Variants in MAPRE2 observed in about 807,000 individuals in gnomAD.
MAPRE2 encodes microtubule associated protein RP/EB family member 2, also known as microtubule-associated protein RP/EB family member 2.
In MAPRE2, 13 loss-of-function variants were observed where a neutral mutation model predicts 43.2. That is an observed-to-expected ratio of 0.30 (90% confidence interval 0.20 to 0.48). The LOEUF is 0.48. Among genes scored for constraint, MAPRE2 ranks in the 20% least tolerant of loss-of-function variants. The pLI, the probability that MAPRE2 is intolerant of heterozygous loss-of-function variation, is 0.99. For missense variants in MAPRE2, 161 were observed against 400.2 expected, an observed-to-expected ratio of 0.40 and a Z score of 5.10; for synonymous variants, 135 against 148.8, an observed-to-expected ratio of 0.91 and a Z score of 0.68.
chr18:35,099,350 C>T (rs965887017), intron 3 of MAPRE2, among the ~76,000 whole-genome samples: 1 of 152,208 alleles, frequency 6.6e-6, no homozygotes, highest in African/African-American at 2.4e-5. Flanking sequence ...CACAGTGGCT[C>T]ACACCTGTAA....
chr18:35,096,249 T>A (rs1470538595), intron 2 of MAPRE2, among the ~76,000 whole-genome samples: 12 of 152,168 alleles, frequency 7.9e-5, no homozygotes, highest in Admixed American at 7.9e-4. Context: ...CCAGAAAGAC[T>A]GATCATGAGC....
intron 6 of MAPRE2, among the ~76,000 whole-genome samples, chr18:35,136,960 G>A (rs1362826824): frequency 1.3e-5 from 2 of 152,188 alleles, no homozygotes; most frequent in Non-Finnish European, 2.9e-5. Flanking sequence ...CTCATATTTG[G>A]TATAGGTTTT....
intron 1 of MAPRE2, among the ~76,000 whole-genome samples, chr18:35,053,603 T>G (rs1167002263): frequency 6.6e-6 from 1 of 151,348 alleles, no homozygotes; most frequent in East Asian, 1.9e-4. Context: ...TAAGACATTC[T>G]TTTCTTTGTA....
intron 2 of MAPRE2, among the ~76,000 whole-genome samples, chr18:35,007,377 C>A (rs2097032333): frequency 6.6e-6 from 1 of 152,200 alleles, no homozygotes; most frequent in Non-Finnish European, 1.5e-5. Flanking sequence ...GGCCCACTAT[C>A]TAAATAGGGT....
intron 1 of MAPRE2, among the ~76,000 whole-genome samples, chr18:34,989,161 A>G (rs2097022503): frequency 6.6e-6 from 1 of 152,122 alleles, no homozygotes; most frequent in Admixed American, 6.5e-5. Context: ...GGGAGGAAGT[A>G]CTCCTAATGT....
intron 1 of MAPRE2, among the ~76,000 whole-genome samples, chr18:35,053,676 T>C (rs1269991379): frequency 6.6e-6 from 1 of 151,956 alleles, no homozygotes; most frequent in Non-Finnish European, 1.5e-5. Flanking sequence ...GCATAGAAAA[T>C]TTTTTTTCTT....
intron 1 of MAPRE2, among the ~76,000 whole-genome samples, chr18:35,046,961 A>C (rs1040157662): frequency 6.6e-6 from 1 of 152,184 alleles, no homozygotes; most frequent in African/African-American, 2.4e-5. Flanking sequence ...TTCCCAAACA[A>C]TGAACCAGGT....
In MAPRE2 at chr18:35,035,075, C is replaced by T. The variant is rs1466744554; in HGVS notation, c.-8+29522C>T. 1.0e-2 allele frequency among the ~76,000 whole-genome samples: 1,506 copies of T among 150,964 alleles called. 22 individuals carry two copies. Among genetic ancestry groups the T allele is most frequent in the African/African-American group, 0.034 (1,413 of 41,042 alleles). On this transcript the variant is annotated intron_variant, in intron 2 of 7. Coordinates refer to the MAPRE2 transcript ENST00000413393. Reference sequence around the variant, plus strand: ...GACACATGCACACGTATGTTTATTGCGGCACTATTCACTATAGCAAAGACT... The same window carrying T: ...GACACATGCACACGTATGTTTATTGTGGCACTATTCACTATAGCAAAGACT...
At chr18:35,131,572 C>T (rs1406029785) in intron 5 of MAPRE2, among the ~76,000 whole-genome samples, 1 of 152,118 alleles carries the variant, frequency 6.6e-6, no homozygotes, top group Non-Finnish European at 1.5e-5. Flanking sequence ...TCATCCTATT[C>T]ATAAGGGCTC....
At chr18:35,081,089 A>T (rs967403490) in intron 2 of MAPRE2, among the ~76,000 whole-genome samples, 2 of 152,248 alleles carry the variant, frequency 1.3e-5, no homozygotes. Flanking sequence ...GAAGAACTTT[A>T]CAAAAGTGTA....
At chr18:35,137,873 T>G (rs560568588) in intron 6 of MAPRE2, among the ~76,000 whole-genome samples, 9 of 152,188 alleles carry the variant, frequency 5.9e-5, no homozygotes, top group African/African-American at 1.9e-4. Context: ...GACTTTCTCA[T>G]AATTTAGAGG....
upstream of MAPRE2, among the ~76,000 whole-genome samples, chr18:35,039,236 C>T (rs971732890): frequency 6.6e-6 from 1 of 152,196 alleles, no homozygotes; most frequent in African/African-American, 2.4e-5. Context: ...GACTGTCCCC[C>T]CAAAAAGGGG....
intron 2 of MAPRE2, among the ~76,000 whole-genome samples, chr18:35,030,099 A>G (rs1200294457): frequency 3.3e-5 from 5 of 152,208 alleles, no homozygotes; most frequent in African/African-American, 1.2e-4. Context: ...ATATACTGCT[A>G]ACACCAAATC....
At chr18:35,090,139 G>A (rs1411949370) in intron 2 of MAPRE2, among the ~76,000 whole-genome samples, 1 of 152,132 alleles carries the variant, frequency 6.6e-6, no homozygotes, top group East Asian at 1.9e-4. Context: ...AGGGAGGAGA[G>A]ATCATAGAGA....
At chr18:35,123,286 TC>T (rs1173244957) in intron 4 of MAPRE2, among the ~76,000 whole-genome samples, 1 of 152,218 alleles carries the variant, frequency 6.6e-6, no homozygotes, top group African/African-American at 2.4e-5. Flanking sequence ...TTCTGTTTCT[TC>T]CATGATTTTT....
intron 1 of MAPRE2, among the ~76,000 whole-genome samples, chr18:35,050,502 C>T (rs1047524113): frequency 4.6e-5 from 7 of 152,168 alleles, no homozygotes; most frequent in African/African-American, 1.7e-4. Flanking sequence ...ATTGAAGCTG[C>T]CTGTGTGTTT....
chr18:35,070,236 A>T lies in MAPRE2; in HGVS notation c.164A>T (p.Gln55Leu). The T allele has an allele frequency of 6.2e-7, 1 of 1,611,716 alleles. No individual in the cohort carries two copies. The highest frequency in any genetic ancestry group is 1.1e-5 in the South Asian group (1 of 90,390). The change falls in exon 2 of 7, where the codon CAA (glutamine) becomes CTA (leucine). Residue 55 changes from glutamine to leucine, a missense_variant. Coordinates refer to ENST00000300249, the MANE Select transcript of MAPRE2 (RefSeq NM_014268.4). ...AATGTGTATTCTACCTCGATAACCCAAGAGACTATGAGCAGACATGACATC... is the reference window on the plus strand; with the variant it reads ...AATGTGTATTCTACCTCGATAACCCTAGAGACTATGAGCAGACATGACATC... ...AVNVYSTSITQETMSRHDIIA... is the reference protein window; with the variant it reads ...AVNVYSTSITLETMSRHDIIA...
At chr18:35,088,814 A>C (rs988495444) in intron 2 of MAPRE2, among the ~76,000 whole-genome samples, 2 of 152,248 alleles carry the variant, frequency 1.3e-5, no homozygotes, top group Non-Finnish European at 2.9e-5. Flanking sequence ...AGTAGGATGC[A>C]GAAAGAAAAA....
At chr18:35,082,633 C>T (rs1022599458) in intron 2 of MAPRE2, among the ~76,000 whole-genome samples, 2 of 152,086 alleles carry the variant, frequency 1.3e-5, no homozygotes, top group African/African-American at 4.8e-5. Flanking sequence ...TGTGAGCTCT[C>T]TCTCTCTTTT....
Sources: gnomAD v4.1 joint callset for allele counts (sites outside exome capture counted in the v4.1 genomes callset) on GRCh38, gnomAD v4.1.1 for gene constraint, MANE v1.5 for transcripts, NCBI Gene and HGNC (gene_info 2026-07-23, HGNC 2026-07-21) for gene names.